Variants in KIF6 observed in about 807,000 individuals in gnomAD.
KIF6 encodes the protein kinesin-like protein KIF6.
In KIF6, 106 loss-of-function variants were observed where a neutral mutation model predicts 112.7. That is an observed-to-expected ratio of 0.94 (90% CI 0.80 to 1.11). The LOEUF is 1.11. KIF6 is among the 50% of genes least tolerant of loss of function. The probability of loss-of-function intolerance (pLI) is 0.00; values close to 1 mark genes in which losing one functional copy is unlikely to be tolerated. For missense variants in KIF6, 929 were observed against 964.0 expected (o/e 0.96, Z 0.48); for synonymous variants, 339 against 339.9 (o/e 1.00, Z 0.03).
chr6:39,618,611 C>A (rs535022865), intron 5 of KIF6, among the ~76,000 whole-genome samples: 15 of 152,266 alleles, frequency 9.9e-5, no homozygotes, highest in African/African-American at 3.6e-4. Flanking sequence ...CCATGCCAGA[C>A]TAGTGTTAAG....
chr6:39,657,685 T>C (rs1785884796), intron 3 of KIF6, among the ~76,000 whole-genome samples: 1 of 152,232 alleles, frequency 6.6e-6, no homozygotes, highest in Admixed American at 6.5e-5. Context: ...GCAGTTGATA[T>C]AATTTTTATT....
At chr6:39,415,325 A>C (rs77972697) in intron 15 of KIF6, among the ~76,000 whole-genome samples, 1 of 120,876 alleles carries the variant, frequency 8.3e-6, no homozygotes, top group South Asian at 2.8e-4. Flanking sequence ...AAAAAAAAAA[A>C]GGCCAAATGG....
chr6:39,507,772 G>C (rs1027303084), intron 13 of KIF6, among the ~76,000 whole-genome samples: 1 of 146,510 alleles, frequency 6.8e-6, no homozygotes, highest in African/African-American at 2.5e-5. Context: ...TACGTAACCT[G>C]GGGGATGCCT....
At chr6:39,650,613 G>A (rs903048178) in intron 3 of KIF6, among the ~76,000 whole-genome samples, 1 of 151,510 alleles carries the variant, frequency 6.6e-6, no homozygotes, top group South Asian at 2.1e-4. Context: ...TTTTTCCTAT[G>A]ATCCTTCAGA....
intron 15 of KIF6, among the ~76,000 whole-genome samples, chr6:39,417,411 G>C (rs890171018): frequency 6.6e-6 from 1 of 152,240 alleles, no homozygotes; most frequent in Non-Finnish European, 1.5e-5. Context: ...AATTAACTAT[G>C]TTCTTGGCAG....
At chr6:39,488,264 T>C (rs1427019703) in intron 13 of KIF6, among the ~76,000 whole-genome samples, 1 of 152,210 alleles carries the variant, frequency 6.6e-6, no homozygotes, top group African/African-American at 2.4e-5. Context: ...TTCAGTTTAC[T>C]TGGCAGGCAG....
intron 3 of KIF6, among the ~76,000 whole-genome samples, chr6:39,689,232 C>T (rs531956333): frequency 1.3e-4 from 20 of 152,238 alleles, no homozygotes; most frequent in African/African-American, 4.8e-4. Context: ...CAGCTGGGTG[C>T]GGTGACTCAT....
Position 39,568,601 on chromosome 6 carries a change from A to G in KIF6, c.1181+9455T>C, listed in dbSNP as rs1370508762. Among the ~76,000 whole-genome samples, 3 of 151,248 alleles carry G rather than the reference A, an allele frequency of 2.0e-5. No homozygotes were observed. The East Asian group carries it at 5.9e-4, about 29-fold the overall frequency. ...GTCTTGCTCTTGTCACCCAGGCTGGAGCACAGTGGCGCAACCTGGACTCAC... is the reference window on the plus strand; with the variant it reads ...GTCTTGCTCTTGTCACCCAGGCTGGGGCACAGTGGCGCAACCTGGACTCAC... On this transcript the variant is annotated intron_variant, in intron 10 of 22. Transcript: ENST00000287152.
intron 7 of KIF6, among the ~76,000 whole-genome samples, chr6:39,594,822 G>C (rs1413370737): frequency 1.3e-5 from 2 of 151,970 alleles, no homozygotes; most frequent in Admixed American, 6.6e-5. Context: ...TCCAATTTTT[G>C]ATCATGTTTC....
chr6:39,445,578 G>A (rs980784766), intron 13 of KIF6, among the ~76,000 whole-genome samples: 1 of 152,182 alleles, frequency 6.6e-6, no homozygotes, highest in Non-Finnish European at 1.5e-5. Flanking sequence ...GAAGGCCAAA[G>A]TTTATGTTAA....
chr6:39,582,021 T>C (rs1224592404), intron 9 of KIF6, among the ~76,000 whole-genome samples: 1 of 152,184 alleles, frequency 6.6e-6, no homozygotes, highest in East Asian at 1.9e-4. Flanking sequence ...CATGTGGGTT[T>C]TGTTTGCTTC....
chr6:39,618,736 G>A (rs984557665), intron 5 of KIF6, among the ~76,000 whole-genome samples: 2 of 152,088 alleles, frequency 1.3e-5, no homozygotes, highest in African/African-American at 4.8e-5. Flanking sequence ...GATAACAGAC[G>A]TCCCCAGTCT....
intron 13 of KIF6, among the ~76,000 whole-genome samples, chr6:39,538,403 A>G (rs1778573982): frequency 6.6e-6 from 1 of 151,978 alleles, no homozygotes; most frequent in South Asian, 2.1e-4. Flanking sequence ...GAAAGTGGGC[A>G]AAGGATATGA....
chr6:39,488,065 C>T (rs552156912), intron 13 of KIF6, among the ~76,000 whole-genome samples: 17 of 150,798 alleles, frequency 1.1e-4, no homozygotes, highest in Non-Finnish European at 2.5e-4. Context: ...AATACTTGCC[C>T]TTATTATACA....
chr6:39,605,251 A>C (rs1782820587), intron 6 of KIF6, among the ~76,000 whole-genome samples: 1 of 152,098 alleles, frequency 6.6e-6, no homozygotes, highest in South Asian at 2.1e-4. Flanking sequence ...CCATCAAAAC[A>C]GTAACTTATC....
At chr6:39,595,383 A>G (rs1219328645) in intron 7 of KIF6, among the ~76,000 whole-genome samples, 2 of 152,208 alleles carry the variant, frequency 1.3e-5, no homozygotes, top group East Asian at 3.8e-4. Flanking sequence ...ATCTTGTGGG[A>G]AGGCCTTTGG....
At chr6:39,626,900 T>A (rs1784123081) in intron 5 of KIF6, among the ~76,000 whole-genome samples, 1 of 152,128 alleles carries the variant, frequency 6.6e-6, no homozygotes, top group Admixed American at 6.6e-5. Flanking sequence ...AGTTCCTTTG[T>A]TTTTTTACTC....
intron 3 of KIF6, among the ~76,000 whole-genome samples, chr6:39,707,766 G>A (rs1231296502): frequency 1.3e-5 from 2 of 152,216 alleles, no homozygotes; most frequent in South Asian, 2.1e-4. Context: ...ATAGGGCACT[G>A]ACGCTTGTAA....
At chr6:39,373,182 G>T (rs1158047652) in intron 16 of KIF6, among the ~76,000 whole-genome samples, 2 of 152,230 alleles carry the variant, frequency 1.3e-5, no homozygotes. Context: ...CAGCAGCCAT[G>T]ATTTCTGCAC....
Sources: allele counts gnomAD v4.1 joint callset (sites outside exome capture counted in the v4.1 genomes callset), GRCh38; gene constraint gnomAD v4.1.1; transcripts MANE v1.5; gene names NCBI Gene and HGNC (gene_info 2026-07-23, HGNC 2026-07-21).